LEPR: variants seen among roughly 807,000 people sequenced by gnomAD.
The protein encoded by LEPR is OB receptor.
Under a neutral mutation model 114.7 loss-of-function variants are expected in LEPR, and 56 were observed. That is an observed-to-expected ratio of 0.49 (90% CI 0.39 to 0.61). The LOEUF is 0.61. Ranked by LOEUF, LEPR falls within the 20% of genes least tolerant of loss-of-function variation. The pLI is 0.00. For missense variants in LEPR, 1,202 were observed against 1,352.9 expected (o/e 0.89, Z 1.75); for synonymous variants, 443 against 461.4 (o/e 0.96, Z 0.51).
rs952278417 is a variant in LEPR, at chr1:65,421,333, A to G, written c.-97+593A>G. On this transcript the variant is annotated intron_variant, in intron 1 of 19. Transcript: ENST00000349533. ...TTTTCTCTGTTTATGGACAGAGAAG[A>G]AACCAGTGTGTGTGTAGTATGTGTT... The G allele has an allele frequency of 9.1e-6, 14 of 1,534,180 alleles. No individual in the cohort carries two copies. The African/African-American group carries it at 1.4e-4, about 15-fold the overall frequency.
chr1:65,572,246 C>G lies in LEPR; in HGVS notation c.371-80C>G, dbSNP rs13306519. 0.012 allele frequency: 16,948 copies of G among 1,397,890 alleles called. 717 individuals are homozygous for G. In the East Asian group the frequency reaches 0.18, roughly 15 times the overall value. 86.6% of individuals were successfully genotyped at this position (1,397,890 alleles called of 1,614,324 possible). A position where few individuals can be genotyped will look rare whatever the true frequency, so the allele number is the denominator to read the frequency against. On this transcript the variant is annotated intron_variant, in intron 4 of 19. Transcript: ENST00000349533. ...CTGGTAAATTTGATTTAGCTCTTCT[C>G]TTTCACTGAGTTGTTCAGATGGTTT...
intron 2 of LEPR, among the ~76,000 whole-genome samples, chr1:65,469,429 A>G (rs1647055919): frequency 6.6e-6 from 1 of 152,236 alleles, no homozygotes; most frequent in Admixed American, 6.5e-5. Flanking sequence ...AGAAGTAGTT[A>G]TCAGGCTAGA....
At chr1:65,468,798 A>T (rs1312152188) in intron 2 of LEPR, among the ~76,000 whole-genome samples, 2 of 152,228 alleles carry the variant, frequency 1.3e-5, no homozygotes, top group South Asian at 2.1e-4. Context: ...TGCAAACTCA[A>T]ATCCCCATAG....
chr1:65,550,604 G>T (rs183949325), intron 2 of LEPR, among the ~76,000 whole-genome samples: 274 of 152,300 alleles, frequency 1.8e-3, no homozygotes, highest in Non-Finnish European at 3.1e-3. Context: ...CTCCGTGGGC[G>T]TAGGACCCTC....
intron 2 of LEPR, among the ~76,000 whole-genome samples, chr1:65,482,189 A>G (rs1231614832): frequency 6.6e-6 from 1 of 152,028 alleles, no homozygotes; most frequent in Admixed American, 6.6e-5. Context: ...GGAGACAATT[A>G]TTAAATTTAT....
chr1:65,591,461 T>G (rs1187103615), intron 5 of LEPR, among the ~76,000 whole-genome samples: 1 of 152,108 alleles, frequency 6.6e-6, no homozygotes, highest in Non-Finnish European at 1.5e-5. Flanking sequence ...TATTTCTCCT[T>G]AAGGTTCTCT....
chr1:65,613,657 G>T (rs1657325746), intron 14 of LEPR, among the ~76,000 whole-genome samples: 1 of 117,232 alleles, frequency 8.5e-6, no homozygotes, highest in Admixed American at 9.1e-5. Context: ...GGAGGCTGAG[G>T]CAGGAGAATG....
At chr1:65,429,421 G>T (rs1043485921) in intron 2 of LEPR, among the ~76,000 whole-genome samples, 3 of 152,160 alleles carry the variant, frequency 2.0e-5, no homozygotes, top group Admixed American at 6.5e-5. Flanking sequence ...GACCATAAAG[G>T]CTTTGTAGGC....
intron 2 of LEPR, among the ~76,000 whole-genome samples, chr1:65,539,610 T>C (rs1651040135): frequency 6.6e-6 from 1 of 152,230 alleles, no homozygotes; most frequent in African/African-American, 2.4e-5. Flanking sequence ...GTGTATACTA[T>C]AATTTTTAAA....
At chr1:65,541,164 G>A (rs561270641) in intron 2 of LEPR, among the ~76,000 whole-genome samples, 2 of 152,174 alleles carry the variant, frequency 1.3e-5, no homozygotes, top group South Asian at 2.1e-4. Context: ...TGGTATTATC[G>A]TGCTTTGACA....
At chr1:65,552,930 G>A (rs1652518961) in intron 2 of LEPR, among the ~76,000 whole-genome samples, 1 of 152,148 alleles carries the variant, frequency 6.6e-6, no homozygotes, top group Non-Finnish European at 1.5e-5. Flanking sequence ...GAATCTCTCA[G>A]CATTTGCTTG....
intron 2 of LEPR, among the ~76,000 whole-genome samples, chr1:65,444,324 C>CCTT (rs1475714777): frequency 6.6e-6 from 1 of 152,136 alleles, no homozygotes; most frequent in Non-Finnish European, 1.5e-5. Flanking sequence ...GCTCACCATG[C>CCTT]CTTTCCTCCC....
At chr1:65,568,501 A>ACT (rs150095054) in intron 3 of LEPR, among the ~76,000 whole-genome samples, 12 of 148,174 alleles carry the variant, frequency 8.1e-5, no homozygotes, top group Admixed American at 7.4e-4. Flanking sequence ...ATGGTGTGTG[A>ACT]GTGTGTGTGT....
intron 2 of LEPR, among the ~76,000 whole-genome samples, chr1:65,457,445 C>G (rs1646891717): frequency 6.6e-6 from 1 of 152,110 alleles, no homozygotes; most frequent in Admixed American, 6.5e-5. Flanking sequence ...GATCCCCAGT[C>G]TCAGAAATTC....
intron 19 of LEPR, among the ~76,000 whole-genome samples, chr1:65,626,700 C>T (rs548095873): frequency 1.7e-4 from 26 of 152,234 alleles, no homozygotes; most frequent in African/African-American, 5.1e-4. Flanking sequence ...TGGAGCGCAG[C>T]GGTGAGATCT....
At chr1:65,505,890 G>A (rs1336585777) in intron 2 of LEPR, among the ~76,000 whole-genome samples, 1 of 151,914 alleles carries the variant, frequency 6.6e-6, no homozygotes, top group East Asian at 1.9e-4. Context: ...TCAATTCTCT[G>A]GAAATGATGA....
At chr1:65,625,986 A>T (rs550458207) in intron 19 of LEPR, 1 of 712,762 alleles carries the variant, frequency 1.4e-6, no homozygotes, top group South Asian at 1.8e-5. Flanking sequence ...CTCTCTCTTC[A>T]GCATTTAAGC....
chr1:65,423,147 C>T (rs927576439), intron 1 of LEPR, among the ~76,000 whole-genome samples: 1 of 152,004 alleles, frequency 6.6e-6, no homozygotes, highest in African/African-American at 2.4e-5. Flanking sequence ...TTCTTGTTGG[C>T]GGTCAAGGCA....
intron 5 of LEPR, chr1:65,576,942 C>A: frequency 8.5e-6 from 3 of 352,868 alleles, no homozygotes; most frequent in South Asian, 5.8e-5. Context: ...GAAATACTGT[C>A]TGTTCCTGGC....
Sources: allele counts gnomAD v4.1 joint callset (sites outside exome capture counted in the v4.1 genomes callset), GRCh38; gene constraint gnomAD v4.1.1; transcripts MANE v1.5; gene names NCBI Gene and HGNC (gene_info 2026-07-23, HGNC 2026-07-21).